Variants in RUNX2 observed in about 807,000 individuals in gnomAD.
RUNX2 encodes runt-related transcription factor 2.
Under a neutral mutation model 51.7 loss-of-function variants are expected in RUNX2, and 10 were observed. That is an observed-to-expected ratio of 0.19 (90% CI 0.12 to 0.33). The LOEUF is 0.33. Among genes scored for constraint, RUNX2 ranks in the 10% least tolerant of loss-of-function variants. RUNX2 has a pLI of 1.00. For missense variants in RUNX2, 562 were observed against 691.3 expected (o/e 0.81, Z 2.10); for synonymous variants, 276 against 273.6 (o/e 1.01, Z -0.09).
chr6:45,473,223 A>G (rs1799856890), intron 5 of RUNX2, among the ~76,000 whole-genome samples: 1 of 152,184 alleles, frequency 6.6e-6, no homozygotes, highest in South Asian at 2.1e-4. Context: ...TAGAATTTAC[A>G]CAAGGGAGTG....
chr6:45,417,784 G>T (rs1315303314), intron 2 of RUNX2, among the ~76,000 whole-genome samples: 2 of 152,158 alleles, frequency 1.3e-5, no homozygotes, highest in Non-Finnish European at 2.9e-5. Context: ...AGCTTTATTT[G>T]TAGACACTGA....
chr6:45,549,434 G>A lies in RUNX2; in HGVS notation c.*2129G>A. ...CTGACTCCTTCTAATAAAAATGGAT[G>A]GGAAAGCAAAACACTTTGCCTTCTA... is the stretch of plus-strand genomic sequence containing the variant. On this transcript the variant is annotated 3_prime_UTR_variant, in exon 9 of 9. Transcript: ENST00000647337. 2.5e-6 allele frequency: 1 copy of A among 398,370 alleles called. No homozygotes were observed. The highest frequency in any genetic ancestry group is 3.6e-5 in the East Asian group (1 of 28,068). The allele number at this position is 398,370 out of a possible 1,614,324, so 24.7% of individuals were successfully genotyped here.
rs554000247 is a variant in RUNX2 at position 45,512,271 on chromosome 6, G to A, written c.885G>A (p.Pro295=). 2.5e-5 allele frequency: 40 copies of A among 1,613,792 alleles called. No individual in the cohort carries two copies. In the South Asian group the frequency reaches 2.7e-4, roughly 11 times the overall value. Reference sequence around the variant, plus strand: ...ACCCCAGGCAGGCACAGTCTTCCCCGCCGTGGTCCTATGACCAGTCTTACC... The same window carrying A: ...ACCCCAGGCAGGCACAGTCTTCCCCACCGTGGTCCTATGACCAGTCTTACC... ...ITDPRQAQSS[P]PWSYDQSYPS... Residue 295 remains proline (P), a synonymous_variant, in exon 7 of 9, where the codon CCG becomes CCA. Transcript: ENST00000647337.
intron 2 of RUNX2, among the ~76,000 whole-genome samples, chr6:45,395,176 C>T (rs1351054882): frequency 6.6e-6 from 1 of 152,186 alleles, no homozygotes; most frequent in Non-Finnish European, 1.5e-5. Flanking sequence ...GACCTCCACT[C>T]TCTGATGGAA....
At chr6:45,404,705 CAA>C (rs936691436) in intron 2 of RUNX2, among the ~76,000 whole-genome samples, 3 of 152,218 alleles carry the variant, frequency 2.0e-5, no homozygotes, top group African/African-American at 7.2e-5. Context: ...CACAATTTAC[CAA>C]AAAAGTATAT....
chr6:45,373,636 C>T (rs1050963834), intron 2 of RUNX2, among the ~76,000 whole-genome samples: 6 of 152,028 alleles, frequency 3.9e-5, no homozygotes, highest in Admixed American at 1.3e-4. Context: ...CTGCAACCTC[C>T]GCCTCCCGGG....
chr6:45,504,067 C>T (rs1285232943), intron 6 of RUNX2, among the ~76,000 whole-genome samples: 5 of 152,014 alleles, frequency 3.3e-5, no homozygotes, highest in East Asian at 1.9e-4. Flanking sequence ...CTCTGTCACT[C>T]GGGTCTGTCT....
In RUNX2 at chr6:45,454,766, T is replaced by C. The variant is rs113623076; in HGVS notation, c.685+16715T>C. ...TGAGTTCTATTCCTACTTCTATTCC[T>C]GGTGCTATTTGGTCAGTTCTTAGAA... On this transcript the variant is annotated intron_variant, in intron 5 of 8. Transcript: ENST00000647337. Among the ~76,000 whole-genome samples, 208 of 152,312 alleles carry C rather than the reference T, an allele frequency of 1.4e-3. 1 individual carries two copies. The highest frequency in any genetic ancestry group is 3.4e-3 in the Middle Eastern group (1 of 294).
intron 5 of RUNX2, among the ~76,000 whole-genome samples, chr6:45,450,213 G>T (rs1275249634): frequency 6.6e-6 from 1 of 152,232 alleles, no homozygotes; most frequent in Non-Finnish European, 1.5e-5. Context: ...CTGCCTCTGT[G>T]ATGTGAAGGG....
chr6:45,479,291 G>C (rs1341240987), intron 5 of RUNX2, among the ~76,000 whole-genome samples: 1 of 152,060 alleles, frequency 6.6e-6, no homozygotes, highest in Non-Finnish European at 1.5e-5. Flanking sequence ...TAGGTTCTTC[G>C]GTATGTATCA....
chr6:45,390,958 T>G (rs1016537033), intron 2 of RUNX2, among the ~76,000 whole-genome samples: 1 of 152,208 alleles, frequency 6.6e-6, no homozygotes, highest in African/African-American at 2.4e-5. Context: ...CTCTTCCCTC[T>G]GATCAAATCT....
chr6:45,340,320 T>C (rs1465145315), intron 2 of RUNX2, among the ~76,000 whole-genome samples: 1 of 152,040 alleles, frequency 6.6e-6, no homozygotes, highest in African/African-American at 2.4e-5. Context: ...AAGGTGAGGT[T>C]TGTTAAGCCC....
intron 2 of RUNX2, among the ~76,000 whole-genome samples, chr6:45,383,118 T>G (rs1797275447): frequency 6.6e-6 from 1 of 152,196 alleles, no homozygotes; most frequent in Non-Finnish European, 1.5e-5. Flanking sequence ...TTGTATTATC[T>G]TTAATGTTTT....
At chr6:45,417,591 C>T (rs1284164768) in intron 2 of RUNX2, among the ~76,000 whole-genome samples, 1 of 152,202 alleles carries the variant, frequency 6.6e-6, no homozygotes, top group Non-Finnish European at 1.5e-5. Context: ...TGCTATCTCA[C>T]TCCTCCATGG....
intron 7 of RUNX2, among the ~76,000 whole-genome samples, chr6:45,526,921 G>A (rs1360187198): frequency 6.6e-6 from 1 of 152,186 alleles, no homozygotes; most frequent in Non-Finnish European, 1.5e-5. Flanking sequence ...TATATGTAAA[G>A]CCCTTAGAAT....
intron 7 of RUNX2, among the ~76,000 whole-genome samples, chr6:45,536,369 T>C (rs1223176257): frequency 6.6e-6 from 1 of 152,082 alleles, no homozygotes; most frequent in Non-Finnish European, 1.5e-5. Context: ...TAGATTAACA[T>C]GGATTGCGTT....
At chr6:45,355,706 G>C (rs1315077416) in intron 2 of RUNX2, among the ~76,000 whole-genome samples, 1 of 151,906 alleles carries the variant, frequency 6.6e-6, no homozygotes, top group Non-Finnish European at 1.5e-5. Flanking sequence ...ACTTCTAAAG[G>C]ATTAGAGATA....
At chr6:45,503,309 C>T (rs1800854122) in intron 6 of RUNX2, among the ~76,000 whole-genome samples, 1 of 152,136 alleles carries the variant, frequency 6.6e-6, no homozygotes, top group African/African-American at 2.4e-5. Context: ...CATTAATATT[C>T]CAAGTGCCTA....
chr6:45,421,395 T>A (rs190383891), intron 2 of RUNX2: 1 of 149,226 alleles, frequency 6.7e-6, no homozygotes, highest in Non-Finnish European at 1.5e-5. Flanking sequence ...TAGATCTCCC[T>A]CCACCCCCCC....
Sources: gnomAD v4.1 joint callset for allele counts (sites outside exome capture counted in the v4.1 genomes callset) on GRCh38, gnomAD v4.1.1 for gene constraint, MANE v1.5 for transcripts, NCBI Gene and HGNC (gene_info 2026-07-23, HGNC 2026-07-21) for gene names.